The following FAF1 variants were observed in gnomAD, a reference collection of about 807,000 sequenced individuals.
The protein encoded by FAF1 is FAS-associated factor 1.
A neutral mutation model predicts 92.5 loss-of-function variants in FAF1; 25 were observed. The ratio of observed to expected loss-of-function variants is 0.27; its 90% CI spans 0.20 to 0.38. The LOEUF is 0.38. Ranked by LOEUF, FAF1 falls within the 10% of genes least tolerant of loss-of-function variation. FAF1 has a pLI of 1.00. For synonymous variants in FAF1, 234 were observed against 273.2 expected, an observed-to-expected ratio of 0.86 and a Z score of 1.42; for missense variants, 636 against 793.3, an observed-to-expected ratio of 0.80 and a Z score of 2.38.
intron 2 of FAF1, among the ~76,000 whole-genome samples, chr1:50,852,905 A>T (rs1239044887): frequency 6.6e-6 from 1 of 152,176 alleles, no homozygotes; most frequent in Non-Finnish European, 1.5e-5. Context: ...AAAACAGAGA[A>T]ATTGAAAAAT....
chr1:50,812,269 C>T (rs1052016903), intron 2 of FAF1, among the ~76,000 whole-genome samples: 5 of 152,020 alleles, frequency 3.3e-5, no homozygotes, highest in African/African-American at 1.2e-4. Context: ...AATCACACAA[C>T]CAATGGAATG....
At position 50,643,868 on chromosome 1, in the gene FAF1, C is replaced by G. The variant is rs575055908; in HGVS notation, c.744+11574G>C. Among the ~76,000 whole-genome samples the G allele has an allele frequency of 2.6e-4, 40 of 152,340 alleles. 1 individual carries two copies. In the Middle Eastern group the frequency reaches 0.014, roughly 52 times the overall value. Reference sequence around the variant, plus strand: ...TCAGCTTCCCAAAGTGCTGGGATTACAGACAAGAGCCATCGCTGCCCCCAC... The same window carrying G: ...TCAGCTTCCCAAAGTGCTGGGATTAGAGACAAGAGCCATCGCTGCCCCCAC... On this transcript the variant is annotated intron_variant, in intron 8 of 18. Coordinates refer to ENST00000396153, the MANE Select transcript of FAF1 (RefSeq NM_007051.3).
chr1:50,955,630 T>C, intron 1 of FAF1, among the ~76,000 whole-genome samples: 1 of 152,192 alleles, frequency 6.6e-6, no homozygotes, highest in East Asian at 1.9e-4. Flanking sequence ...GCAATTTAAC[T>C]TCTGGGTATA....
Position 50,730,067 on chromosome 1 carries a change from G to A in FAF1, c.551+8796C>T, listed in dbSNP as rs116505675. Reference sequence around the variant, plus strand: ...GATAATTTGTTCCATGAAAATTTATGAAAAATCCTCTGGAGGGTGAAGGGG... The same window carrying A: ...GATAATTTGTTCCATGAAAATTTATAAAAAATCCTCTGGAGGGTGAAGGGG... On this transcript the variant is annotated intron_variant, in intron 6 of 18. Transcript: ENST00000396153. Among the ~76,000 whole-genome samples, 1,221 of 152,154 alleles carry A rather than the reference G, an allele frequency of 8.0e-3. 14 individuals are homozygous for A. Among genetic ancestry groups the A allele is most frequent in the African/African-American group, 0.028 (1,179 of 41,530 alleles).
chr1:50,529,226 T>C (rs1424864089), intron 15 of FAF1, among the ~76,000 whole-genome samples: 1 of 152,220 alleles, frequency 6.6e-6, no homozygotes, highest in African/African-American at 2.4e-5. Flanking sequence ...CAATGAACCA[T>C]TGTTGAGCCA....
intron 2 of FAF1, among the ~76,000 whole-genome samples, chr1:50,837,454 A>G (rs929275378): frequency 1.3e-5 from 2 of 152,136 alleles, no homozygotes; most frequent in Non-Finnish European, 2.9e-5. Context: ...TTGCTTCCTC[A>G]TGATTAGATT....
intron 7 of FAF1, among the ~76,000 whole-genome samples, chr1:50,694,792 C>CAAA (rs371721063): frequency 2.5e-4 from 14 of 55,840 alleles, no homozygotes; most frequent in Admixed American, 4.4e-4. Flanking sequence ...CTAAAAAATA[C>CAAA]AAAAAAAAAA....
chr1:50,771,185 G>C (rs747114437), intron 4 of FAF1, among the ~76,000 whole-genome samples: 27 of 152,112 alleles, frequency 1.8e-4, no homozygotes, highest in Admixed American at 3.3e-4. Context: ...TCTGGACATA[G>C]GCCCTGGCAA....
chr1:50,779,798 A>T (rs2124559832), intron 4 of FAF1, among the ~76,000 whole-genome samples: 1 of 152,126 alleles, frequency 6.6e-6, no homozygotes, highest in East Asian at 1.9e-4. Flanking sequence ...AAAATTAGAA[A>T]AGAGCTGGGT....
intron 7 of FAF1, among the ~76,000 whole-genome samples, chr1:50,677,330 C>T (rs914737067): frequency 6.6e-5 from 10 of 152,084 alleles, no homozygotes; most frequent in Non-Finnish European, 8.8e-5. Context: ...TTTTGAGGAG[C>T]AATTTGGCAA....
intron 1 of FAF1, among the ~76,000 whole-genome samples, chr1:50,869,886 G>T (rs1258105899): frequency 2.0e-5 from 3 of 152,064 alleles, no homozygotes; most frequent in African/African-American, 7.2e-5. Flanking sequence ...TTAGTTCTAT[G>T]ATTTTGGCAT....
chr1:50,917,600 AAAAGG>A (rs1644927269), intron 1 of FAF1, among the ~76,000 whole-genome samples: 1 of 150,496 alleles, frequency 6.6e-6, no homozygotes, highest in Admixed American at 6.7e-5. Flanking sequence ...AAAGAAAGGA[AAAAGG>A]AAAGGAAAAG....
At chr1:50,587,341 G>A (rs1316174942) in intron 9 of FAF1, among the ~76,000 whole-genome samples, 1 of 152,054 alleles carries the variant, frequency 6.6e-6, no homozygotes. Flanking sequence ...ATCTTCAAAG[G>A]GAGGTATCTA....
chr1:50,809,729 C>T (rs1442436762), intron 2 of FAF1, among the ~76,000 whole-genome samples: 1 of 152,116 alleles, frequency 6.6e-6, no homozygotes, highest in Non-Finnish European at 1.5e-5. Context: ...GAAACTATTC[C>T]AAATATTTAA....
intron 2 of FAF1, among the ~76,000 whole-genome samples, chr1:50,816,432 C>T (rs1292360816): frequency 6.6e-6 from 1 of 152,008 alleles, no homozygotes; most frequent in Non-Finnish European, 1.5e-5. Flanking sequence ...TTTCAATCTC[C>T]TGACCTCGTG....
chr1:50,827,556 CCTT>C (rs1557547530), intron 2 of FAF1, among the ~76,000 whole-genome samples: 1 of 152,034 alleles, frequency 6.6e-6, no homozygotes, highest in Non-Finnish European at 1.5e-5. Flanking sequence ...TATCTGCTGA[CCTT>C]CTCTCCACTA....
intron 8 of FAF1, among the ~76,000 whole-genome samples, chr1:50,626,202 C>T (rs991525118): frequency 6.6e-6 from 1 of 152,066 alleles, no homozygotes; most frequent in African/African-American, 2.4e-5. Flanking sequence ...AAACTGACAA[C>T]AATGTCACAG....
At chr1:50,836,170 G>GTTTTTTTGTTTTTTTTTT (rs1553144965) in intron 2 of FAF1, among the ~76,000 whole-genome samples, 5 of 98,524 alleles carry the variant, frequency 5.1e-5, no homozygotes, top group Non-Finnish European at 1.0e-4. Flanking sequence ...TTTTGTTTCT[G>GTTTTTTTGTTTTTTTTTT]TTTTTTTTTT....
chr1:50,619,079 T>C (rs1185138735), intron 8 of FAF1, among the ~76,000 whole-genome samples: 1 of 152,204 alleles, frequency 6.6e-6, no homozygotes, highest in African/African-American at 2.4e-5. Flanking sequence ...ATGTTTTATT[T>C]CTGCGTGGTA....
Sources: allele counts gnomAD v4.1 joint callset (sites outside exome capture counted in the v4.1 genomes callset), GRCh38; gene constraint gnomAD v4.1.1; transcripts MANE v1.5; gene names NCBI Gene and HGNC (gene_info 2026-07-23, HGNC 2026-07-21).